Variants in EPHA6 observed in about 807,000 individuals in gnomAD.
EPHA6 encodes ephrin type-A receptor 6.
Under a neutral mutation model 112.0 loss-of-function variants are expected in EPHA6, and 50 were observed. The ratio of observed to expected loss-of-function variants is 0.45; its 90% CI spans 0.36 to 0.56. The LOEUF (loss-of-function observed/expected upper bound fraction) is 0.56. Among genes scored for constraint, EPHA6 ranks in the 20% least tolerant of loss-of-function variants. The pLI, the probability that EPHA6 is intolerant of heterozygous loss-of-function variation, is 0.00. For synonymous variants in EPHA6, 529 were observed against 490.7 expected, an observed-to-expected ratio of 1.08 and a Z score of -1.03; for missense variants, 1,280 against 1,417.4, an observed-to-expected ratio of 0.90 and a Z score of 1.56.
chr3:97,295,411 A>G (rs2080838978), intron 5 of EPHA6, among the ~76,000 whole-genome samples: 1 of 151,608 alleles, frequency 6.6e-6, no homozygotes, highest in Non-Finnish European at 1.5e-5. Flanking sequence ...CAATTCCCTG[A>G]TTTCTGTTTG....
intron 15 of EPHA6, among the ~76,000 whole-genome samples, chr3:97,726,539 A>G (rs1025334163): frequency 5.3e-5 from 8 of 152,134 alleles, no homozygotes; most frequent in Non-Finnish European, 1.0e-4. Flanking sequence ...GTAGCTTAAA[A>G]TCAAATTTTA....
At chr3:97,183,259 C>T (rs973690654) in intron 3 of EPHA6, among the ~76,000 whole-genome samples, 1 of 151,950 alleles carries the variant, frequency 6.6e-6, no homozygotes, top group East Asian at 1.9e-4. Context: ...TCATCACTCT[C>T]CCTGACTCAG....
At chr3:96,988,073 T>G in intron 3 of EPHA6, 80 bp downstream of exon 3, 3 of 1,103,294 alleles carry the variant, frequency 2.7e-6, no homozygotes, top group Non-Finnish European at 3.7e-6. Flanking sequence ...TAACAAATAG[T>G]AATTGTGCAT....
At chr3:97,371,346 T>C (rs2085041939) in intron 5 of EPHA6, among the ~76,000 whole-genome samples, 1 of 152,210 alleles carries the variant, frequency 6.6e-6, no homozygotes, top group Non-Finnish European at 1.5e-5. Context: ...AGAACATAAA[T>C]TGTGAAGATT....
intron 11 of EPHA6, among the ~76,000 whole-genome samples, chr3:97,559,988 G>A (rs1424399432): frequency 6.6e-6 from 1 of 151,324 alleles, no homozygotes; most frequent in Non-Finnish European, 1.5e-5. Flanking sequence ...AAAGAGAGGG[G>A]GAAAGATACT....
chr3:96,889,249 A>G (rs534129297), intron 2 of EPHA6, among the ~76,000 whole-genome samples: 3 of 152,112 alleles, frequency 2.0e-5, no homozygotes, highest in South Asian at 2.1e-4. Context: ...AACTGTTCCA[A>G]CCTGTGCCTG....
At chr3:97,567,784 T>A (rs532813247) in intron 11 of EPHA6, among the ~76,000 whole-genome samples, 1 of 152,164 alleles carries the variant, frequency 6.6e-6, no homozygotes, top group South Asian at 2.1e-4. Flanking sequence ...TTTATTATAC[T>A]CACAGGTCCT....
chr3:97,248,939 G>A (rs1559826496), intron 5 of EPHA6, among the ~76,000 whole-genome samples: 1 of 151,574 alleles, frequency 6.6e-6, no homozygotes, highest in Admixed American at 6.6e-5. Flanking sequence ...CTTTATATTT[G>A]CATTTTAATG....
intron 2 of EPHA6, among the ~76,000 whole-genome samples, chr3:96,940,641 A>T (rs1260208815): frequency 6.6e-6 from 1 of 152,152 alleles, no homozygotes; most frequent in Non-Finnish European, 1.5e-5. Flanking sequence ...TCCTGTCATT[A>T]TGATGTTAGC....
intron 10 of EPHA6, among the ~76,000 whole-genome samples, chr3:97,517,464 A>G (rs1447615821): frequency 6.6e-6 from 1 of 152,094 alleles, no homozygotes; most frequent in Non-Finnish European, 1.5e-5. Flanking sequence ...TTTTTCATAA[A>G]TGTTATTTTT....
chr3:97,706,137 T>C lies in EPHA6; in HGVS notation c.2785-14124T>C, dbSNP rs369272130. Among the ~76,000 whole-genome samples the C allele has an allele frequency of 9.2e-5, 14 of 152,356 alleles. No homozygotes were observed. The South Asian group carries it at 2.7e-3, about 29-fold the overall frequency. On this transcript the variant is annotated intron_variant, in intron 14 of 17. Coordinates refer to ENST00000389672, the MANE Select transcript of EPHA6 (RefSeq NM_001080448.3). ...TCAACCTGCTTGGTATGATGCATGA[T>C]TGCACACATTTACTGTAGTTGATTC...
intron 3 of EPHA6, among the ~76,000 whole-genome samples, chr3:97,100,179 T>C (rs1227487625): frequency 1.3e-5 from 2 of 151,182 alleles, no homozygotes; most frequent in African/African-American, 4.8e-5. Flanking sequence ...ATGTCTCTAA[T>C]CATAATAGAA....
chr3:96,852,101 G>A (rs1232148286), intron 1 of EPHA6, among the ~76,000 whole-genome samples: 4 of 152,118 alleles, frequency 2.6e-5, no homozygotes, highest in Non-Finnish European at 4.4e-5. Context: ...AGTACAATGT[G>A]TGATATTTTG....
intron 3 of EPHA6, among the ~76,000 whole-genome samples, chr3:97,014,574 TG>T (rs2044203140): frequency 6.6e-6 from 1 of 152,224 alleles, no homozygotes; most frequent in Non-Finnish European, 1.5e-5. Context: ...TATGTATACG[TG>T]GCATTCTTAG....
At chr3:97,573,157 C>T (rs545095307) in intron 11 of EPHA6, among the ~76,000 whole-genome samples, 3 of 152,258 alleles carry the variant, frequency 2.0e-5, no homozygotes, top group South Asian at 2.1e-4. Flanking sequence ...ACTGTGTCTG[C>T]GTTGAATAAC....
intron 3 of EPHA6, among the ~76,000 whole-genome samples, chr3:97,157,818 C>T (rs1345833088): frequency 6.6e-6 from 1 of 152,122 alleles, no homozygotes; most frequent in Non-Finnish European, 1.5e-5. Flanking sequence ...ACCGCACCTA[C>T]ATTAGGGAGG....
chr3:97,203,802 T>C (rs1410036404), intron 3 of EPHA6, among the ~76,000 whole-genome samples: 7 of 152,172 alleles, frequency 4.6e-5, no homozygotes, highest in African/African-American at 1.7e-4. Context: ...AGATTGTCTC[T>C]ATAGTCACTA....
At chr3:97,620,292 T>C (rs111337218) in intron 13 of EPHA6, among the ~76,000 whole-genome samples, 10,778 of 152,116 alleles carry the variant, frequency 0.071, 518 homozygotes, top group Non-Finnish European at 0.098. Context: ...GAGTTAAGTG[T>C]AAAACCTAAA....
intron 11 of EPHA6, among the ~76,000 whole-genome samples, chr3:97,573,347 C>T (rs1428313640): frequency 1.3e-5 from 2 of 152,004 alleles, no homozygotes; most frequent in South Asian, 2.1e-4. Context: ...TATATGAAGT[C>T]GAGTAAAGGT....
Sources: gnomAD v4.1 joint callset for allele counts (sites outside exome capture counted in the v4.1 genomes callset) on GRCh38, gnomAD v4.1.1 for gene constraint, MANE v1.5 for transcripts, NCBI Gene and HGNC (gene_info 2026-07-23, HGNC 2026-07-21) for gene names.